The following GRIK2 variants were observed in gnomAD, a reference collection of about 807,000 sequenced individuals.
The protein encoded by GRIK2 is glutamate receptor ionotropic, kainate 2.
A neutral mutation model predicts 100.3 loss-of-function variants in GRIK2; 32 were observed. The ratio of observed to expected loss-of-function variants is 0.32; its 90% CI spans 0.24 to 0.43. The LOEUF is 0.43. Among genes scored for constraint, GRIK2 ranks in the 20% least tolerant of loss-of-function variants. The probability of loss-of-function intolerance (pLI) is 1.00; values close to 1 mark genes in which losing one functional copy is unlikely to be tolerated. For missense variants in GRIK2, 843 were observed against 1,114.9 expected, an observed-to-expected ratio of 0.76 and a Z score of 3.47; for synonymous variants, 417 against 389.4, an observed-to-expected ratio of 1.07 and a Z score of -0.83.
At chr6:102,047,551 C>A (rs1413530430) in intron 15 of GRIK2, among the ~76,000 whole-genome samples, 1 of 151,926 alleles carries the variant, frequency 6.6e-6, no homozygotes, top group East Asian at 2.0e-4. Flanking sequence ...AGTTCGAGAC[C>A]AGCCTGGCCA....
chr6:101,487,614 G>A (rs1204911338), intron 2 of GRIK2, among the ~76,000 whole-genome samples: 1 of 146,908 alleles, frequency 6.8e-6, no homozygotes, highest in East Asian at 1.9e-4. Flanking sequence ...TGCATATACA[G>A]TAGTACACAA....
rs796771800 is a variant in GRIK2 at position 101,548,107 on chromosome 6, A to G, written c.116-73842A>G. ...ATTTTTTCATGTGTCTTTTGGCTGC[A>G]TAAATGTCTTCTTTTGAGAAGTGTC... On this transcript the variant is annotated intron_variant, in intron 2 of 16. Coordinates refer to ENST00000369134, the MANE Select transcript of GRIK2 (RefSeq NM_021956.5). 2.2e-4 allele frequency among the ~76,000 whole-genome samples: 33 copies of G among 152,194 alleles called. No individual in the cohort carries two copies. The East Asian group carries it at 5.8e-3, about 27-fold the overall frequency.
At chr6:101,827,641 A>G (rs1782424027) in intron 10 of GRIK2, among the ~76,000 whole-genome samples, 1 of 151,926 alleles carries the variant, frequency 6.6e-6, no homozygotes, top group South Asian at 2.1e-4. Flanking sequence ...GTATTAGATA[A>G]AAAGATAAAA....
chr6:101,522,407 T>C (rs972202716), intron 2 of GRIK2, among the ~76,000 whole-genome samples: 2 of 152,168 alleles, frequency 1.3e-5, no homozygotes, highest in Non-Finnish European at 2.9e-5. Flanking sequence ...AAGCTTTTTA[T>C]TCTCATTCAC....
intron 14 of GRIK2, among the ~76,000 whole-genome samples, chr6:101,981,893 G>A (rs561087244): frequency 6.6e-6 from 1 of 152,012 alleles, no homozygotes; most frequent in South Asian, 2.1e-4. Context: ...TTGAGCAGAT[G>A]AAAGATAGAA....
intron 14 of GRIK2, among the ~76,000 whole-genome samples, chr6:101,948,520 TTA>T (rs1417511155): frequency 1.1e-4 from 16 of 148,028 alleles, no homozygotes; most frequent in African/African-American, 3.4e-4. Context: ...ATAAATATAT[TTA>T]TAGTTATATA....
rs529948865 is a variant in GRIK2, at chr6:101,892,429, T to A, written c.1748+2566T>A. On this transcript the variant is annotated intron_variant, in intron 12 of 16. Transcript: ENST00000369134. ...ACTTGATAAACCATCATAGACAGCATCTGTATAATTATGGTAATCTGTACT... is the reference window on the plus strand; with the variant it reads ...ACTTGATAAACCATCATAGACAGCAACTGTATAATTATGGTAATCTGTACT... Among the ~76,000 whole-genome samples, 26 of 152,220 alleles carry A rather than the reference T, an allele frequency of 1.7e-4. No individual in the cohort carries two copies. In the South Asian group the frequency reaches 4.3e-3, roughly 25 times the overall value.
chr6:101,834,901 A>C (rs536606363), intron 10 of GRIK2, among the ~76,000 whole-genome samples: 1 of 152,088 alleles, frequency 6.6e-6, no homozygotes, highest in African/African-American at 2.4e-5. Flanking sequence ...GCTACTGGAG[A>C]GGCTGAAGTG....
At chr6:102,042,029 A>ATAAC (rs948771806) in intron 15 of GRIK2, among the ~76,000 whole-genome samples, 5 of 151,666 alleles carry the variant, frequency 3.3e-5, no homozygotes, top group Non-Finnish European at 7.4e-5. Context: ...TTGTAATTAG[A>ATAAC]TAACTATCAT....
chr6:101,735,435 A>G (rs542508483), intron 7 of GRIK2, among the ~76,000 whole-genome samples: 1 of 152,210 alleles, frequency 6.6e-6, no homozygotes, highest in South Asian at 2.1e-4. Flanking sequence ...TGGGCAATTT[A>G]CAAAAGAAAG....
In GRIK2 at chr6:101,920,731, C is replaced by CTTT. The variant is rs35117228; in HGVS notation, c.1749-3861_1749-3859dup. Among the ~76,000 whole-genome samples the CTTT allele has an allele frequency of 8.6e-3, 1,251 of 146,216 alleles. 17 individuals are homozygous for CTTT. Among genetic ancestry groups the CTTT allele is most frequent in the African/African-American group, 0.015 (612 of 40,074 alleles). Reference sequence around the variant, plus strand: ...GAAATGAATAAGAATAAATACAGGGCTTTTTTTTTTTGGAAAGGGGGGTCA... The same window carrying CTTT: ...GAAATGAATAAGAATAAATACAGGGCTTTTTTTTTTTTTTGGAAAGGGGGGTCA... On this transcript the variant is annotated intron_variant, in intron 12 of 16. Transcript: ENST00000369134.
rs1419903713 is a variant in GRIK2 at position 101,793,063 on chromosome 6, TC to T, written c.952-6583del. The stretch of plus-strand genomic sequence containing the variant: ...AGCCTTGGCTTTCACCTCCGTCAGC[TC>T]CTTTAAGCACTTCTCTGTATTGTTT... On this transcript the variant is annotated intron_variant, in intron 7 of 16. Coordinates refer to ENST00000369134, the MANE Select transcript of GRIK2 (RefSeq NM_021956.5). Among the ~76,000 whole-genome samples the T allele has an allele frequency of 3.3e-5, 5 of 152,334 alleles. No individual in the cohort carries two copies. In the East Asian group the frequency reaches 9.6e-4, roughly 29 times the overall value.
intron 2 of GRIK2, among the ~76,000 whole-genome samples, chr6:101,604,879 G>A (rs1206382149): frequency 6.6e-6 from 1 of 151,882 alleles, no homozygotes; most frequent in Non-Finnish European, 1.5e-5. Context: ...CCCCAAACCA[G>A]CAGGTAGCTT....
chr6:102,056,462 C>T (rs1265200952), intron 16 of GRIK2, among the ~76,000 whole-genome samples: 6 of 152,010 alleles, frequency 3.9e-5, no homozygotes, highest in Non-Finnish European at 5.9e-5. Context: ...TCTTCTAGTA[C>T]ATTATTTAAT....
chr6:101,968,001 T>C (rs1792797931), intron 14 of GRIK2, among the ~76,000 whole-genome samples: 1 of 151,742 alleles, frequency 6.6e-6, no homozygotes. Flanking sequence ...ATTAAAGTTC[T>C]ATTGACGCTT....
chr6:101,493,980 ATT>A, intron 2 of GRIK2, among the ~76,000 whole-genome samples: 1 of 144,628 alleles, frequency 6.9e-6, no homozygotes, highest in East Asian at 2.0e-4. Flanking sequence ...TAATTTATAT[ATT>A]ATATAAAAAT....
intron 2 of GRIK2, among the ~76,000 whole-genome samples, chr6:101,538,659 C>T (rs1412304619): frequency 1.3e-5 from 2 of 150,940 alleles, no homozygotes; most frequent in Non-Finnish European, 1.5e-5. Flanking sequence ...CTAAAGGATC[C>T]TTGTCTGCTA....
chr6:101,649,356 C>A (rs931135682), intron 4 of GRIK2, among the ~76,000 whole-genome samples: 1 of 152,070 alleles, frequency 6.6e-6, no homozygotes, highest in Non-Finnish European at 1.5e-5. Context: ...TGCAACGTGC[C>A]CAAGGTCACA....
chr6:102,053,415 C>T (rs1242127719), intron 15 of GRIK2, among the ~76,000 whole-genome samples: 1 of 152,022 alleles, frequency 6.6e-6, no homozygotes, highest in African/African-American at 2.4e-5. Flanking sequence ...TGTTTTATTA[C>T]ATATCACAGA....
Sources: gnomAD v4.1 joint callset for allele counts (sites outside exome capture counted in the v4.1 genomes callset) on GRCh38, gnomAD v4.1.1 for gene constraint, MANE v1.5 for transcripts, NCBI Gene and HGNC (gene_info 2026-07-23, HGNC 2026-07-21) for gene names.